The following ABR variants were observed in gnomAD, a reference collection of about 807,000 sequenced individuals.
The protein encoded by ABR is active breakpoint cluster region-related protein.
ABR carries 35 observed loss-of-function variants against 107.2 expected under a neutral mutation model. That is an observed-to-expected ratio of 0.33 (90% CI 0.25 to 0.43). The LOEUF (loss-of-function observed/expected upper bound fraction) is 0.43. ABR is among the 20% of genes least tolerant of loss of function. The pLI is 1.00. For synonymous variants in ABR, 498 were observed against 462.0 expected, an observed-to-expected ratio of 1.08 and a Z score of -1.00; for missense variants, 815 against 1,115.2, an observed-to-expected ratio of 0.73 and a Z score of 3.83.
At chr17:1,212,437 G>C (rs962087323) in intron 1 of ABR, among the ~76,000 whole-genome samples, 2 of 148,510 alleles carry the variant, frequency 1.3e-5, no homozygotes, top group Non-Finnish European at 3.0e-5. Context: ...TCTCAAAAGA[G>C]AAAAAAAAAC....
chr17:1,013,588 C>T (rs1436455644), intron 16 of ABR, among the ~76,000 whole-genome samples: 1 of 152,246 alleles, frequency 6.6e-6, no homozygotes, highest in Admixed American at 6.5e-5. Context: ...CGCTCAAGTC[C>T]ATCAGGAGGG....
At chr17:1,110,228 T>C (rs1365286340) in intron 2 of ABR, among the ~76,000 whole-genome samples, 2 of 151,900 alleles carry the variant, frequency 1.3e-5, no homozygotes, top group African/African-American at 4.8e-5. Context: ...CTGGTCCCCC[T>C]GGCCCTAGTT....
chr17:1,200,236 C>T lies in ABR; in HGVS notation c.838+28557G>A, dbSNP rs574000767. ...GCAATGTATTAGGTATTAAAAATAA[C>T]CTAGAGATAAGTTAAAGTACACGGG... On this transcript the variant is annotated intron_variant, in intron 1 of 22. Coordinates refer to the ABR transcript ENST00000574139. This position sits in a 1 kb window ranked among gnomAD's most constrained non-coding sequence, Gnocchi z 4.1. Among the ~76,000 whole-genome samples, 3 of 151,994 alleles carry T rather than the reference C, an allele frequency of 2.0e-5. No homozygotes were observed. The East Asian group carries it at 5.8e-4, about 29-fold the overall frequency.
intron 6 of ABR, among the ~76,000 whole-genome samples, chr17:1,075,530 C>T (rs963230498): frequency 6.6e-6 from 1 of 152,216 alleles, no homozygotes; most frequent in Non-Finnish European, 1.5e-5. Flanking sequence ...CAGCCTTACC[C>T]GCAGTCCGAG....
chr17:1,151,812 C>T (rs911264144), intron 1 of ABR, among the ~76,000 whole-genome samples: 7 of 152,336 alleles, frequency 4.6e-5, no homozygotes, highest in African/African-American at 9.6e-5. Context: ...AATAGAAAGA[C>T]AGGACATCCA....
chr17:1,021,267 C>T (rs1465940639), intron 16 of ABR, among the ~76,000 whole-genome samples: 1 of 152,204 alleles, frequency 6.6e-6, no homozygotes, highest in Non-Finnish European at 1.5e-5. Context: ...TGCCAGGGCC[C>T]CAAGAGCTCC....
chr17:1,180,805 G>T (rs531523377), upstream of ABR, among the ~76,000 whole-genome samples: 8 of 152,350 alleles, frequency 5.3e-5, no homozygotes, highest in African/African-American at 1.9e-4. Flanking sequence ...GAGATTGGGG[G>T]CCCCATGCCT....
At chr17:1,228,017 C>T (rs1046330239) in intron 1 of ABR, 1 of 152,186 alleles carries the variant, frequency 6.6e-6, no homozygotes, top group Non-Finnish European at 1.5e-5. Flanking sequence ...GACAGGAGAC[C>T]CGGTGAAGGT....
chr17:1,031,517 C>CCCCCGCAGCCCCCCGAG (rs1398151311), intron 16 of ABR: 6 of 182,534 alleles, frequency 3.3e-5, no homozygotes, highest in African/African-American at 5.6e-5. Context: ...ACCCCATCAG[C>CCCCCGCAGCCCCCCGAG]CCCCGCAGCC....
chr17:1,057,371 ATGCGTT>A (rs2033435893), intron 12 of ABR, among the ~76,000 whole-genome samples: 1 of 114,248 alleles, frequency 8.8e-6, no homozygotes, highest in Non-Finnish European at 1.8e-5. Flanking sequence ...TGTGTGGTGT[ATGCGTT>A]TTGTTTTCGT....
intron 16 of ABR, among the ~76,000 whole-genome samples, chr17:1,036,538 G>T (rs2150952722): frequency 6.6e-6 from 1 of 152,220 alleles, no homozygotes; most frequent in South Asian, 2.1e-4. Context: ...CCGAGGCTTT[G>T]GGGGCTGCAG....
At chr17:1,091,496 G>A (rs1441932677) in intron 4 of ABR, among the ~76,000 whole-genome samples, 169 bp downstream of exon 4, 3 of 152,164 alleles carry the variant, frequency 2.0e-5, no homozygotes, top group Admixed American at 1.3e-4. Flanking sequence ...CAAGGCCCCG[G>A]CCCCAGGCAC....
At chr17:1,099,729 C>T (rs913327046) in intron 3 of ABR, among the ~76,000 whole-genome samples, 1 of 152,224 alleles carries the variant, frequency 6.6e-6, no homozygotes, top group Non-Finnish European at 1.5e-5. Flanking sequence ...ATATTCCCCT[C>T]CCAATCAGAC....
intron 22 of ABR, among the ~76,000 whole-genome samples, chr17:1,006,516 C>T (rs1284807892): frequency 6.6e-6 from 1 of 152,208 alleles, no homozygotes; most frequent in East Asian, 1.9e-4. Flanking sequence ...CATCTCCCCA[C>T]CCCTGGGCTT....
At chr17:1,228,858 C>G (rs1340266497) in exon 1 of ABR, 1 of 151,820 alleles carries the variant, frequency 6.6e-6, no homozygotes, top group Non-Finnish European at 1.5e-5. Flanking sequence ...CTCCGGCGAG[C>G]TGTGGCCGGG....
intron 1 of ABR, among the ~76,000 whole-genome samples, chr17:1,197,402 GGAGA>G (rs2042590225): frequency 2.6e-5 from 4 of 151,444 alleles, no homozygotes; most frequent in African/African-American, 7.3e-5. Context: ...CTGAGAGGTT[GGAGA>G]GAGAAAGACA....
chr17:1,095,730 G>A (rs2037375300), intron 3 of ABR, among the ~76,000 whole-genome samples: 1 of 152,194 alleles, frequency 6.6e-6, no homozygotes, highest in Admixed American at 6.5e-5. Flanking sequence ...GTTCTCACTT[G>A]CCAGTGGGAC....
chr17:1,125,540 G>T, intron 1 of ABR, 173 bp from the exon 2 acceptor site: 1 of 492,544 alleles, frequency 2.0e-6, no homozygotes, highest in Non-Finnish European at 3.3e-6. Context: ...GGGCGGGGGA[G>T]AGCCAGCAGG....
intron 5 of ABR, 102 bp from the exon 6 acceptor site, chr17:1,079,492 A>G (rs1003283907): frequency 6.4e-6 from 7 of 1,095,874 alleles, no homozygotes; most frequent in Non-Finnish European, 9.5e-6. Flanking sequence ...CTCAGGGTGT[A>G]CATATGAGAA....
Sources: gnomAD v4.1 joint callset for allele counts (sites outside exome capture counted in the v4.1 genomes callset) on GRCh38, gnomAD v4.1.1 for gene constraint, Gnocchi (gnomAD v3.1) non-coding constraint, MANE v1.5 for transcripts, NCBI Gene and HGNC (gene_info 2026-07-23, HGNC 2026-07-21) for gene names.